The following CTNND2 variants were observed in gnomAD, a reference collection of about 807,000 sequenced individuals.
CTNND2 encodes the protein catenin delta-2.
CTNND2 carries 22 observed loss-of-function variants against 144.4 expected under a neutral mutation model. The ratio of observed to expected loss-of-function variants is 0.15; its 90% CI spans 0.11 to 0.22. CTNND2 has a LOEUF of 0.22. Ranked by LOEUF, CTNND2 falls within the 10% of genes least tolerant of loss-of-function variation. The pLI is 1.00. For missense variants in CTNND2, 1,353 were observed against 1,618.8 expected (o/e 0.84, Z 2.82); for synonymous variants, 751 against 695.6 (o/e 1.08, Z -1.25).
In CTNND2 at chr5:11,888,206, G is replaced by C. The variant is rs193285929; in HGVS notation, c.37+15611C>G. 2.6e-4 allele frequency among the ~76,000 whole-genome samples: 40 copies of C among 152,296 alleles called. No individual in the cohort carries two copies. In the East Asian group the frequency reaches 6.8e-3, roughly 26 times the overall value. The stretch of plus-strand genomic sequence containing the variant: ...GTTGAAACTTAGAAAATGGAATATT[G>C]TAAACATTAGAACATTACATCTGTC... On this transcript the variant is annotated intron_variant, in intron 1 of 21. Transcript: ENST00000304623.
intron 1 of CTNND2, among the ~76,000 whole-genome samples, chr5:11,734,305 T>A (rs1263728489): frequency 1.8e-4 from 28 of 152,184 alleles, no homozygotes. Context: ...GGTTTGACTA[T>A]GTTCCCCAAC....
chr5:11,186,464 A>G (rs1735637078), intron 11 of CTNND2, among the ~76,000 whole-genome samples: 2 of 152,206 alleles, frequency 1.3e-5, no homozygotes, highest in South Asian at 4.1e-4. Context: ...GAGGAAGCAC[A>G]CTGTAATATG....
chr5:11,680,323 C>G (rs560119476), intron 2 of CTNND2, among the ~76,000 whole-genome samples: 1 of 152,066 alleles, frequency 6.6e-6, no homozygotes, highest in Non-Finnish European at 1.5e-5. Flanking sequence ...AACAATTTTG[C>G]CCCCCACCCA....
intron 9 of CTNND2, among the ~76,000 whole-genome samples, chr5:11,274,080 G>C (rs1013963793): frequency 3.3e-5 from 5 of 152,068 alleles, no homozygotes; most frequent in African/African-American, 1.2e-4. Context: ...CTTCTCTTCA[G>C]AACACGCTGA....
chr5:11,661,066 C>G (rs556022524), intron 2 of CTNND2, among the ~76,000 whole-genome samples: 12 of 152,176 alleles, frequency 7.9e-5, no homozygotes, highest in Admixed American at 2.0e-4. Context: ...AGGCCTCTTT[C>G]CATTTTTGGT....
At chr5:11,687,984 G>C (rs965392377) in intron 2 of CTNND2, among the ~76,000 whole-genome samples, 4 of 152,204 alleles carry the variant, frequency 2.6e-5, no homozygotes, top group Admixed American at 2.6e-4. Context: ...TGCCTGGAGA[G>C]TTTGGAGAAT....
intron 1 of CTNND2, among the ~76,000 whole-genome samples, chr5:11,789,659 T>C (rs4415075): frequency 2.0e-5 from 3 of 152,152 alleles, no homozygotes; most frequent in African/African-American, 4.8e-5. Context: ...TCTGGGTATA[T>C]AGACTATAAA....
rs115450256 is a variant in CTNND2 at position 11,605,707 on chromosome 5, G to A, written c.175-40651C>T. ...AGATCACATAAGGGAACAGTGAGGAGTCTTTTGTAACTATGCAGGAACGGT... is the reference window on the plus strand; with the variant it reads ...AGATCACATAAGGGAACAGTGAGGAATCTTTTGTAACTATGCAGGAACGGT... On this transcript the variant is annotated intron_variant, in intron 2 of 21. Coordinates refer to ENST00000304623, the MANE Select transcript of CTNND2 (RefSeq NM_001332.4). 4.3e-3 allele frequency among the ~76,000 whole-genome samples: 656 copies of A among 152,288 alleles called. 4 individuals are homozygous for A. The highest frequency in any genetic ancestry group is 7.1e-3 in the Non-Finnish European group (484 of 68,004).
At chr5:11,272,518 A>C (rs1218969417) in intron 9 of CTNND2, among the ~76,000 whole-genome samples, 1 of 152,166 alleles carries the variant, frequency 6.6e-6, no homozygotes, top group Non-Finnish European at 1.5e-5. Flanking sequence ...TGCCAAACAA[A>C]ACCCAATTTT....
chr5:11,747,741 T>C (rs1193604116), intron 1 of CTNND2, among the ~76,000 whole-genome samples: 1 of 152,128 alleles, frequency 6.6e-6, no homozygotes, highest in African/African-American at 2.4e-5. Context: ...AAAACGTGCT[T>C]AAGCCAGTCA....
intron 1 of CTNND2, among the ~76,000 whole-genome samples, chr5:11,834,182 A>G (rs1168883697): frequency 6.6e-6 from 1 of 152,192 alleles, no homozygotes; most frequent in African/African-American, 2.4e-5. Flanking sequence ...ATTCTTAATA[A>G]CTGCACCATC....
intron 1 of CTNND2, among the ~76,000 whole-genome samples, chr5:11,735,966 A>G (rs1009213090): frequency 5.9e-5 from 9 of 152,162 alleles, no homozygotes; most frequent in African/African-American, 2.2e-4. Flanking sequence ...GTTTATTTAC[A>G]TTTTATTGGG....
chr5:11,713,157 G>A (rs1192685143), intron 2 of CTNND2, among the ~76,000 whole-genome samples: 1 of 152,166 alleles, frequency 6.6e-6, no homozygotes, highest in Non-Finnish European at 1.5e-5. Flanking sequence ...ATTTTAGGAT[G>A]ACAGAAATCA....
intron 3 of CTNND2, among the ~76,000 whole-genome samples, chr5:11,501,071 A>G (rs1214151094): frequency 6.6e-6 from 1 of 152,208 alleles, no homozygotes; most frequent in African/African-American, 2.4e-5. Context: ...ACACTCCTTG[A>G]AAAGAGACTA....
intron 3 of CTNND2, among the ~76,000 whole-genome samples, chr5:11,553,984 CAAATAATTATAACCATA>C: frequency 6.6e-6 from 1 of 152,160 alleles, no homozygotes; most frequent in East Asian, 1.9e-4. Context: ...AGAAATATGT[CAAATAATTATAACCATA>C]AAGTATTCAA....
intron 11 of CTNND2, among the ~76,000 whole-genome samples, chr5:11,177,536 T>C (rs1760596713): frequency 6.6e-6 from 1 of 152,032 alleles, no homozygotes; most frequent in Non-Finnish European, 1.5e-5. Flanking sequence ...AATCAAAATA[T>C]ATGTATAAAA....
chr5:10,975,132 G>C (rs971172266), intron 21 of CTNND2, among the ~76,000 whole-genome samples: 2 of 152,174 alleles, frequency 1.3e-5, no homozygotes, highest in African/African-American at 4.8e-5. Context: ...ATTAAATACT[G>C]CTAAGTCCAG....
intron 2 of CTNND2, among the ~76,000 whole-genome samples, chr5:11,596,774 G>A (rs1779523044): frequency 6.6e-6 from 1 of 152,118 alleles, no homozygotes; most frequent in African/African-American, 2.4e-5. Flanking sequence ...TGGAGGTGAG[G>A]GTTACAGGTG....
chr5:10,974,169 T>C (rs1736158580), intron 21 of CTNND2, among the ~76,000 whole-genome samples: 1 of 152,198 alleles, frequency 6.6e-6, no homozygotes, highest in African/African-American at 2.4e-5. Flanking sequence ...CTGCCTAATA[T>C]AGGCACTGCA....
Sources: gnomAD v4.1 joint callset for allele counts (sites outside exome capture counted in the v4.1 genomes callset) on GRCh38, gnomAD v4.1.1 for gene constraint, MANE v1.5 for transcripts, NCBI Gene and HGNC (gene_info 2026-07-23, HGNC 2026-07-21) for gene names.